NEBL: variants seen among roughly 807,000 people sequenced by gnomAD.
The protein encoded by NEBL is nebulette.
NEBL carries 122 observed loss-of-function variants against 140.2 expected under a neutral mutation model. That is an observed-to-expected ratio of 0.87 (90% CI 0.75 to 1.01). The LOEUF is 1.01. Among genes scored for constraint, NEBL ranks in the 50% least tolerant of loss-of-function variants. NEBL has a pLI of 0.00. For missense variants in NEBL, 1,365 were observed against 1,231.3 expected (o/e 1.11, Z -1.62); for synonymous variants, 436 against 398.9 (o/e 1.09, Z -1.11).
chr10:20,805,164 A>G (rs1837490258), intron 26 of NEBL, among the ~76,000 whole-genome samples: 1 of 152,222 alleles, frequency 6.6e-6, no homozygotes, highest in African/African-American at 2.4e-5. Flanking sequence ...AAGTAGCTGG[A>G]AAGTTGTAGT....
chr10:20,988,792 T>C (rs1466636914), intron 3 of NEBL, among the ~76,000 whole-genome samples: 1 of 152,220 alleles, frequency 6.6e-6, no homozygotes, highest in Non-Finnish European at 1.5e-5. Flanking sequence ...GAAACCACAC[T>C]TGGCAAAGCC....
intron 3 of NEBL, among the ~76,000 whole-genome samples, chr10:20,982,755 T>G (rs1378430956): frequency 6.6e-6 from 1 of 152,178 alleles, no homozygotes; most frequent in African/African-American, 2.4e-5. Context: ...ATCTTTTGTT[T>G]TTTTCCAGTC....
intron 3 of NEBL, among the ~76,000 whole-genome samples, chr10:21,218,598 CT>C (rs1243678435): frequency 6.6e-6 from 1 of 152,130 alleles, no homozygotes; most frequent in East Asian, 1.9e-4. Flanking sequence ...AACTTTTCCT[CT>C]GCCCATGGAA....
intron 2 of NEBL, among the ~76,000 whole-genome samples, chr10:21,140,033 T>C (rs980922981): frequency 6.8e-6 from 1 of 147,084 alleles, no homozygotes; most frequent in Non-Finnish European, 1.5e-5. Context: ...TGGTTTCAGG[T>C]GCCTGTAATC....
chr10:21,117,066 G>A (rs1838318338), intron 2 of NEBL, among the ~76,000 whole-genome samples: 1 of 152,042 alleles, frequency 6.6e-6, no homozygotes, highest in Non-Finnish European at 1.5e-5. Context: ...CTGAGCTTGA[G>A]CTGGGTGCAA....
intron 2 of NEBL, among the ~76,000 whole-genome samples, chr10:21,073,466 A>T (rs2131910717): frequency 6.6e-6 from 1 of 151,846 alleles, no homozygotes; most frequent in Middle Eastern, 3.4e-3. Flanking sequence ...AAAACACAAA[A>T]ATTAGGCAGG....
intron 26 of NEBL, among the ~76,000 whole-genome samples, chr10:20,801,127 C>T (rs1340175001): frequency 6.6e-6 from 1 of 152,168 alleles, no homozygotes; most frequent in Non-Finnish European, 1.5e-5. Context: ...CTCTCGTCTA[C>T]CCTTTTTCTG....
intron 3 of NEBL, among the ~76,000 whole-genome samples, chr10:20,992,329 G>A (rs1359955384): frequency 6.6e-6 from 1 of 152,160 alleles, no homozygotes; most frequent in Non-Finnish European, 1.5e-5. Context: ...TGAAGTTATA[G>A]ATACTTTCTC....
At chr10:21,262,258 C>T (rs941655158) in intron 1 of NEBL, among the ~76,000 whole-genome samples, 2 of 152,118 alleles carry the variant, frequency 1.3e-5, no homozygotes, top group African/African-American at 4.8e-5. Flanking sequence ...GGAGGAGGAT[C>T]GCTGTGTCTC....
chr10:21,029,360 T>C (rs1023901133), intron 2 of NEBL: 6 of 1,611,560 alleles, frequency 3.7e-6, no homozygotes, highest in Admixed American at 1.7e-5. Flanking sequence ...GGATTAATTA[T>C]CAGTGCAGTG....
At chr10:21,010,332 C>A (rs970445311) in intron 3 of NEBL, among the ~76,000 whole-genome samples, 1 of 152,138 alleles carries the variant, frequency 6.6e-6, no homozygotes, top group Non-Finnish European at 1.5e-5. Context: ...ACAACCTCGA[C>A]CTTCTGGGCT....
intron 3 of NEBL, among the ~76,000 whole-genome samples, chr10:20,964,212 T>G (rs891248776): frequency 1.4e-5 from 2 of 147,612 alleles, no homozygotes; most frequent in Admixed American, 6.7e-5. Flanking sequence ...GACCCTGTGA[T>G]AGATCTCGGG....
chr10:21,113,157 G>T, intron 2 of NEBL: 2 of 292,452 alleles, frequency 6.8e-6, no homozygotes, highest in Non-Finnish European at 6.5e-6. Flanking sequence ...AGATTTTGAT[G>T]ATGAGGAAAC....
intron 2 of NEBL, among the ~76,000 whole-genome samples, chr10:21,127,121 T>C (rs1474690347): frequency 6.6e-6 from 1 of 152,044 alleles, no homozygotes; most frequent in Non-Finnish European, 1.5e-5. Flanking sequence ...CTCCTTTCCC[T>C]CTTCCCAAAA....
chr10:21,209,763 G>A (rs978179417), intron 3 of NEBL, among the ~76,000 whole-genome samples: 1 of 150,018 alleles, frequency 6.7e-6, no homozygotes, highest in Non-Finnish European at 1.5e-5. Flanking sequence ...AGGCCTACAC[G>A]TCAAAGATGG....
At chr10:21,163,487 C>G (rs563832765) in intron 2 of NEBL, among the ~76,000 whole-genome samples, 1 of 152,320 alleles carries the variant, frequency 6.6e-6, no homozygotes, top group African/African-American at 2.4e-5. Context: ...TGCTGGAATT[C>G]ACACTCTGGA....
At position 20,842,407 on chromosome 10, in the gene NEBL, T is replaced by TATC. The variant is rs543388394; in HGVS notation, c.1228-1559_1228-1558insGAT. Reference sequence around the variant, plus strand: ...AATGGGGGGATCATAGGAAATGAAGTATAAAATGATACTTTGAACACTCTA... The same window carrying TATC: ...AATGGGGGGATCATAGGAAATGAAGTATCATAAAATGATACTTTGAACACTCTA... On this transcript the variant is annotated intron_variant, in intron 12 of 27. Transcript: ENST00000377122. 1.0e-3 allele frequency among the ~76,000 whole-genome samples: 159 copies of TATC among 152,148 alleles called. 1 individual carries two copies. The highest frequency in any genetic ancestry group is 3.7e-3 in the African/African-American group (154 of 41,516).
intron 3 of NEBL, among the ~76,000 whole-genome samples, chr10:21,189,128 G>A (rs1035780969): frequency 6.6e-6 from 1 of 152,184 alleles, no homozygotes; most frequent in East Asian, 1.9e-4. Context: ...TTCATAAAAA[G>A]GGTCTCTGCA....
chr10:21,261,008 C>T (rs1027839416), intron 1 of NEBL, among the ~76,000 whole-genome samples: 1 of 152,148 alleles, frequency 6.6e-6, no homozygotes, highest in Non-Finnish European at 1.5e-5. Context: ...AAGAAGGGAT[C>T]GTGGATGGCA....
Sources: allele counts gnomAD v4.1 joint callset (sites outside exome capture counted in the v4.1 genomes callset), GRCh38; gene constraint gnomAD v4.1.1; transcripts MANE v1.5; gene names NCBI Gene and HGNC (gene_info 2026-07-23, HGNC 2026-07-21).